The following ZDHHC2 variants were observed in gnomAD, a reference collection of about 807,000 sequenced individuals.
ZDHHC2 encodes the protein palmitoyltransferase ZDHHC2.
Under a neutral mutation model 55.6 loss-of-function variants are expected in ZDHHC2, and 51 were observed. The ratio of observed to expected loss-of-function variants is 0.92; its 90% confidence interval spans 0.73 to 1.16. The LOEUF is 1.16. Ranked by LOEUF, ZDHHC2 falls within the 50% of genes most tolerant of loss-of-function variation. The pLI, the probability that ZDHHC2 is intolerant of heterozygous loss-of-function variation, is 0.00. For synonymous variants in ZDHHC2, 199 were observed against 152.9 expected (o/e 1.30, Z -2.22); for missense variants, 491 against 442.4 (o/e 1.11, Z -0.99).
chr8:17,169,876 C>T (rs1460743343), intron 1 of ZDHHC2, among the ~76,000 whole-genome samples: 1 of 152,000 alleles, frequency 6.6e-6, no homozygotes, highest in Non-Finnish European at 1.5e-5. Flanking sequence ...TAGAACTTCT[C>T]ACTTACATTA....
chr8:17,167,304 C>CTT (rs371848954), intron 1 of ZDHHC2, among the ~76,000 whole-genome samples: 83 of 108,744 alleles, frequency 7.6e-4, no homozygotes, highest in African/African-American at 1.6e-3. Flanking sequence ...TTTTTTTTAA[C>CTT]TTTTTTTTTT....
At chr8:17,199,612 C>CTTCTTCTTCTTCCT (rs1554466226) in intron 6 of ZDHHC2, among the ~76,000 whole-genome samples, 8,174 of 68,736 alleles carry the variant, frequency 0.12, 996 homozygotes, top group East Asian at 0.36. Context: ...ATTCTTTCTT[C>CTTCTTCTTCTTCCT]TTCTTCTTCT....
chr8:17,182,192 C>A (rs912331441), intron 1 of ZDHHC2, among the ~76,000 whole-genome samples: 2 of 152,046 alleles, frequency 1.3e-5, no homozygotes, highest in Non-Finnish European at 2.9e-5. Flanking sequence ...CTTATTAAAT[C>A]ATTTAAAATA....
At chr8:17,213,162 G>A (rs566579456) in intron 10 of ZDHHC2, among the ~76,000 whole-genome samples, 1 of 151,854 alleles carries the variant, frequency 6.6e-6, no homozygotes, top group African/African-American at 2.4e-5. Context: ...TTTATATTCT[G>A]TTCGGGCGTA....
chr8:17,157,085 A>T (rs1403418761), intron 1 of ZDHHC2, among the ~76,000 whole-genome samples: 1 of 151,386 alleles, frequency 6.6e-6, no homozygotes, highest in Non-Finnish European at 1.5e-5. Context: ...TCCGCCCCGC[A>T]CTCGCCGCCG....
intron 2 of ZDHHC2, among the ~76,000 whole-genome samples, 152 bp downstream of exon 2, chr8:17,184,967 T>C (rs1183819680): frequency 6.6e-6 from 1 of 152,218 alleles, no homozygotes; most frequent in Non-Finnish European, 1.5e-5. Flanking sequence ...AGTTTGCAGA[T>C]TGAATTCTGT....
Position 17,217,170 on chromosome 8 carries a change from A to C in ZDHHC2, c.1064-2A>C. 1 of 1,610,900 alleles carries C rather than the reference A, an allele frequency of 6.2e-7. No individual in the cohort carries two copies. The highest frequency in any genetic ancestry group is 8.5e-7 in the Non-Finnish European group (1 of 1,178,438). Reference sequence around the variant, plus strand: ...AATGCTAACTTATGTGCTTTCATTAAGGTATGAGCAATCCTGCATTAACCA... The same window carrying C: ...AATGCTAACTTATGTGCTTTCATTACGGTATGAGCAATCCTGCATTAACCA... On this transcript the variant is annotated splice_acceptor_variant, in intron 11 of 12. Transcript: ENST00000262096. LOFTEE classifies it high-confidence loss of function.
At chr8:17,207,884 T>G (rs1397260051) in intron 7 of ZDHHC2, 76 bp from the exon 8 acceptor site, 4 of 1,179,704 alleles carry the variant, frequency 3.4e-6, no homozygotes, top group Non-Finnish European at 4.3e-6. Flanking sequence ...AAAAAAAATC[T>G]TACTAATTTA....
At chr8:17,213,189 A>C (rs1464208343) in intron 10 of ZDHHC2, among the ~76,000 whole-genome samples, 1 of 152,002 alleles carries the variant, frequency 6.6e-6, no homozygotes, top group African/African-American at 2.4e-5. Context: ...GAATAGAGGG[A>C]ATCTTTGATA....
chr8:17,165,468 C>G (rs1358946910), intron 1 of ZDHHC2, among the ~76,000 whole-genome samples: 3 of 152,130 alleles, frequency 2.0e-5, no homozygotes, highest in African/African-American at 7.2e-5. Context: ...TTAAGATATA[C>G]CAAACAAAGA....
intron 5 of ZDHHC2, 54 bp downstream of exon 5, chr8:17,197,705 A>G: frequency 6.6e-7 from 1 of 1,508,008 alleles, no homozygotes; most frequent in Non-Finnish European, 9.2e-7. Context: ...CTTTTTCTTC[A>G]TTATGTTTCT....
chr8:17,198,406 T>A lies in ZDHHC2; in HGVS notation c.469T>A (p.Cys157Ser), dbSNP rs371207561. The change falls in exon 6 of 13, where the codon TGT becomes AGT. Residue 157 changes from cysteine to serine, a missense_variant. Physicochemically the swap from Cys to Ser is moderately radical, Grantham distance 112 (BLOSUM62 -1). Coordinates refer to ENST00000262096, the MANE Select transcript of ZDHHC2 (RefSeq NM_016353.5). Reference protein sequence around the residue: ...DKCILKMDHHCPWVNNCVGFS... With the variant: ...DKCILKMDHHSPWVNNCVGFS... The stretch of plus-strand genomic sequence containing the variant: ...ATGTATTTTGAAGATGGATCATCAT[T>A]GTCCATGGTGAGTTGGCTGTATATT... 2.6e-5 allele frequency: 42 copies of A among 1,601,798 alleles called. No homozygotes were observed. The highest frequency in any genetic ancestry group is 3.5e-5 in the Non-Finnish European group (41 of 1,174,510).
At chr8:17,163,195 A>C (rs1804436249) in intron 1 of ZDHHC2, among the ~76,000 whole-genome samples, 2 of 152,218 alleles carry the variant, frequency 1.3e-5, no homozygotes, top group African/African-American at 4.8e-5. Context: ...GTTGCACCTG[A>C]GGAACAGCCT....
intron 10 of ZDHHC2, among the ~76,000 whole-genome samples, chr8:17,211,692 C>T (rs1175743946): frequency 6.6e-6 from 1 of 152,056 alleles, no homozygotes; most frequent in African/African-American, 2.4e-5. Context: ...AGGTATTTGT[C>T]ACCCCATCCC....
intron 6 of ZDHHC2, among the ~76,000 whole-genome samples, chr8:17,202,453 G>C (rs1453110431): frequency 6.6e-6 from 1 of 152,118 alleles, no homozygotes; most frequent in South Asian, 2.1e-4. Context: ...CAAATTTAAA[G>C]TCAGAAAGCA....
intron 11 of ZDHHC2, among the ~76,000 whole-genome samples, 180 bp from the exon 12 acceptor site, chr8:17,216,992 A>C (rs768175078): frequency 6.6e-6 from 1 of 152,062 alleles, no homozygotes; most frequent in Non-Finnish European, 1.5e-5. Flanking sequence ...TAGTGGTTGT[A>C]ACTGACACTG....
chr8:17,202,654 C>T (rs917546097), intron 6 of ZDHHC2, among the ~76,000 whole-genome samples: 1 of 151,346 alleles, frequency 6.6e-6, no homozygotes, highest in Non-Finnish European at 1.5e-5. Context: ...AAATGTCTAG[C>T]CAAAAGCTGT....
chr8:17,189,596 C>T (rs535711453), intron 3 of ZDHHC2, among the ~76,000 whole-genome samples: 1 of 152,158 alleles, frequency 6.6e-6, no homozygotes, highest in Non-Finnish European at 1.5e-5. Context: ...GAAGTGACTT[C>T]TAACTTCTCT....
At chr8:17,174,301 G>C (rs552801608) in intron 1 of ZDHHC2, among the ~76,000 whole-genome samples, 1 of 152,186 alleles carries the variant, frequency 6.6e-6, no homozygotes, top group East Asian at 1.9e-4. Context: ...CTAGAGTCCA[G>C]AAATGTGAGA....
Sources: gnomAD v4.1 joint callset for allele counts (sites outside exome capture counted in the v4.1 genomes callset) on GRCh38, gnomAD v4.1.1 for gene constraint, MANE v1.5 for transcripts, NCBI Gene and HGNC (gene_info 2026-07-23, HGNC 2026-07-21) for gene names.